The following RIMKLB variants were observed in gnomAD, a reference collection of about 807,000 sequenced individuals.
RIMKLB encodes beta-citrylglutamate synthase B.
Under a neutral mutation model 32.0 loss-of-function variants are expected in RIMKLB, and 7 were observed. That is an observed-to-expected ratio of 0.22 (90% CI 0.12 to 0.41). The LOEUF (loss-of-function observed/expected upper bound fraction) is 0.41, where lower values mean the gene tolerates loss of function less well. RIMKLB is among the 10% of genes least tolerant of loss of function. RIMKLB has a pLI of 1.00. For synonymous variants in RIMKLB, 172 were observed against 185.1 expected (o/e 0.93, Z 0.57); for missense variants, 289 against 498.7 (o/e 0.58, Z 4.00).
chr12:8,773,517 C>T lies in RIMKLB; in HGVS notation c.894C>T (p.Ile298=), dbSNP rs753810070. 6.2e-7 allele frequency: 1 copy of T among 1,614,136 alleles called. No homozygotes were observed. ...CTTGTAATCTAGATGTAGCTGGTAT[C>T]ATAGCAGACTATGCCGCCTCCCTTC... ...DKACNLDVAG[I]IADYAASLLP... is the part of the protein sequence containing the mutation. The change falls in exon 6 of 6, where the codon ATC becomes ATT. Residue 298 remains isoleucine, a synonymous_variant. Transcript: ENST00000535829.
At chr12:8,777,528 A>C, downstream of RIMKLB, 1 of 1,210,446 alleles carries the variant, frequency 8.3e-7, no homozygotes, top group South Asian at 1.5e-5. Context: ...AATGTTTTGC[A>C]TTTTTTACAT....
intron 1 of RIMKLB, among the ~76,000 whole-genome samples, chr12:8,690,617 C>A (rs1340506562): frequency 2.0e-5 from 3 of 152,156 alleles, no homozygotes. Context: ...TCTCCGTTTG[C>A]TCATCTGTAA....
intron 2 of RIMKLB, among the ~76,000 whole-genome samples, chr12:8,733,956 T>C (rs1447935545): frequency 6.6e-6 from 1 of 152,208 alleles, no homozygotes; most frequent in Non-Finnish European, 1.5e-5. Flanking sequence ...GTGTCTACTA[T>C]ATATTGACAC....
chr12:8,709,604 C>T (rs951594548), intron 1 of RIMKLB, among the ~76,000 whole-genome samples: 13 of 152,174 alleles, frequency 8.5e-5, no homozygotes, highest in Non-Finnish European at 1.6e-4. Context: ...GAGGCCCCAT[C>T]GCTTGGGCAC....
upstream of RIMKLB, chr12:8,697,685 TC>T (rs1340726974): frequency 3.3e-6 from 1 of 302,000 alleles, no homozygotes; most frequent in South Asian, 2.2e-5. Context: ...CGCTCCCTTT[TC>T]GCTCCCCGCG....
At chr12:8,672,813 C>T in the RIMKLB span, among the ~76,000 whole-genome samples, 31 of 152,136 alleles carry the variant, frequency 2.0e-4, no homozygotes, top group Non-Finnish European at 4.0e-4. Flanking sequence ...CTTTGCCTTC[C>T]GTCATGAGTA....
At chr12:8,751,168 A>C (rs142532733) in intron 3 of RIMKLB, among the ~76,000 whole-genome samples, 1 of 152,270 alleles carries the variant, frequency 6.6e-6, no homozygotes, top group African/African-American at 2.4e-5. Context: ...TACAATTTTG[A>C]TTTTATGAGA....
chr12:8,697,754 G>A (rs1279576778), upstream of RIMKLB: 2 of 208,376 alleles, frequency 9.6e-6, 1 homozygote, highest in Non-Finnish European at 2.1e-5. Context: ...CGGGCGAGGA[G>A]CTGGGAGGGC....
In RIMKLB at chr12:8,754,111, A is replaced by G; in HGVS notation, c.697+18A>G. 2 of 1,553,862 alleles carry G rather than the reference A, an allele frequency of 1.3e-6. No homozygotes were observed. Among genetic ancestry groups the G allele is most frequent in the Non-Finnish European group, 1.8e-6 (2 of 1,125,006 alleles). On this transcript the variant is annotated intron_variant, in intron 5 of 5. Coordinates refer to ENST00000535829, the MANE Select transcript of RIMKLB (RefSeq NM_001297776.2). ...CTCATTAGGTAAAAATAATGCAATT[A>G]TCTTTCTAGTATATAAAGTAACATT...
downstream of RIMKLB, chr12:8,777,715 T>TA (rs974698556): frequency 3.9e-6 from 5 of 1,272,060 alleles, no homozygotes; most frequent in Admixed American, 4.8e-5. Context: ...AGTGCCCTTC[T>TA]AAACTCCCCT....
chr12:8,704,653 TC>T (rs1438612310), intron 1 of RIMKLB, among the ~76,000 whole-genome samples: 1 of 152,178 alleles, frequency 6.6e-6, no homozygotes, highest in Non-Finnish European at 1.5e-5. Context: ...GTTCCCTGAC[TC>T]CTAAAGTCAT....
At chr12:8,671,209 A>T in the RIMKLB span, among the ~76,000 whole-genome samples, 7 of 151,808 alleles carry the variant, frequency 4.6e-5, no homozygotes, top group African/African-American at 1.7e-4. Context: ...AAGTTTCTGC[A>T]GCTGGCTTGA....
chr12:8,673,169 ACCATG>A, the RIMKLB span, among the ~76,000 whole-genome samples: 1 of 152,088 alleles, frequency 6.6e-6, no homozygotes, highest in Non-Finnish European at 1.5e-5. Flanking sequence ...GGCCTGAGCC[ACCATG>A]CCTGGCCTCT....
At position 8,749,863 on chromosome 12, in the gene RIMKLB, T is replaced by G; in HGVS notation, c.177T>G (p.Gly59=). ...VVLTIEQGNL[G]LRINGELITA... is the part of the protein sequence containing the mutation. ...TGGTCTTGTATTTATATATTTCAGGTCTGCGGATCAATGGAGAGCTAATCA... is the reference window on the plus strand; with the variant it reads ...TGGTCTTGTATTTATATATTTCAGGGCTGCGGATCAATGGAGAGCTAATCA... Residue 59 remains glycine (G), a splice_region_variant and synonymous_variant, in exon 3 of 6, where the codon GGT becomes GGG. Transcript: ENST00000535829. 4 of 1,590,344 alleles carry G rather than the reference T, an allele frequency of 2.5e-6. No homozygotes were observed. Among genetic ancestry groups the G allele is most frequent in the Non-Finnish European group, 3.4e-6 (4 of 1,159,806 alleles).
chr12:8,682,611 G>A (rs1339159094), intron 1 of RIMKLB, among the ~76,000 whole-genome samples: 1 of 151,388 alleles, frequency 6.6e-6, no homozygotes, highest in African/African-American at 2.4e-5. Flanking sequence ...ACTCTACTAA[G>A]AACACCAAAA....
chr12:8,694,460 A>G (rs1159164919), upstream of RIMKLB, among the ~76,000 whole-genome samples: 48 of 139,286 alleles, frequency 3.4e-4, no homozygotes, highest in Admixed American at 3.3e-3. Context: ...CACTGGCCCA[A>G]TGTTGGCTTG....
chr12:8,746,049 G>A lies in RIMKLB; in HGVS notation c.176-3813G>A, dbSNP rs184792640. On this transcript the variant is annotated intron_variant, in intron 2 of 5. Transcript: ENST00000535829. ...CAGTTTTCACTCCACCAGTATGACTGTATACATATATGTATAGTTCCAGTC... is the reference window on the plus strand; with the variant it reads ...CAGTTTTCACTCCACCAGTATGACTATATACATATATGTATAGTTCCAGTC... 5.9e-5 allele frequency among the ~76,000 whole-genome samples: 9 copies of A among 151,900 alleles called. No homozygotes were observed. In the East Asian group the frequency reaches 1.5e-3, roughly 26 times the overall value.
At chr12:8,760,402 A>G (rs774006636) in intron 5 of RIMKLB, among the ~76,000 whole-genome samples, 40 of 152,362 alleles carry the variant, frequency 2.6e-4, no homozygotes, top group Admixed American at 3.3e-4. Flanking sequence ...CACAATAAAC[A>G]TACGTGTACA....
downstream of RIMKLB, chr12:8,777,275 A>G: frequency 2.1e-6 from 2 of 973,490 alleles, no homozygotes; most frequent in Non-Finnish European, 2.4e-6. Context: ...TTCATTTAAA[A>G]TACATTTAGG....
Sources: allele counts gnomAD v4.1 joint callset (sites outside exome capture counted in the v4.1 genomes callset), GRCh38; gene constraint gnomAD v4.1.1; transcripts MANE v1.5; gene names NCBI Gene and HGNC (gene_info 2026-07-23, HGNC 2026-07-21).